Variants in MBP observed in about 807,000 individuals in gnomAD.
MBP encodes the protein Golli-MBP.
In MBP, 16 loss-of-function variants were observed where a neutral mutation model predicts 35.8. The ratio of observed to expected loss-of-function variants is 0.45; its 90% CI spans 0.30 to 0.68. The LOEUF (loss-of-function observed/expected upper bound fraction) is 0.68. Ranked by LOEUF, MBP falls within the 30% of genes least tolerant of loss-of-function variation. The pLI is 0.08. For missense variants in MBP, 380 were observed against 404.7 expected, an observed-to-expected ratio of 0.94 and a Z score of 0.52; for synonymous variants, 143 against 159.6, an observed-to-expected ratio of 0.90 and a Z score of 0.78.
chr18:77,063,936 G>A (rs78958339), intron 3 of MBP, among the ~76,000 whole-genome samples: 5 of 151,204 alleles, frequency 3.3e-5, no homozygotes, highest in Non-Finnish European at 7.4e-5. Flanking sequence ...GTGTGTATTT[G>A]ATGGTAACAG....
chr18:77,127,545 T>C (rs1439512418), intron 1 of MBP: 1 of 152,144 alleles, frequency 6.6e-6, no homozygotes, highest in Non-Finnish European at 1.5e-5. Flanking sequence ...ATTAATAAAC[T>C]TGAATTCAAC....
intron 7 of MBP, chr18:76,985,245 A>C: frequency 7.4e-7 from 1 of 1,357,704 alleles, no homozygotes; most frequent in Non-Finnish European, 9.7e-7. Context: ...AGCAAACATC[A>C]AGCAAATCAA....
chr18:76,980,676 TGAGA>T, intron 8 of MBP: 3 of 574,972 alleles, frequency 5.2e-6, no homozygotes, highest in Middle Eastern at 9.1e-4. Flanking sequence ...TCCAGTTCTG[TGAGA>T]GAGAACTGGA....
chr18:77,045,329 C>A (rs12455703), intron 3 of MBP, among the ~76,000 whole-genome samples: 2 of 147,432 alleles, frequency 1.4e-5, no homozygotes, highest in Non-Finnish European at 3.0e-5. Context: ...CTCTGGAGCC[C>A]GGCTGCCAGT....
At chr18:77,038,067 C>G (rs1049251130) in intron 3 of MBP, among the ~76,000 whole-genome samples, 1 of 152,116 alleles carries the variant, frequency 6.6e-6, no homozygotes, top group African/African-American at 2.4e-5. Context: ...GTTCCAGGGC[C>G]CAAGATTTAA....
chr18:77,120,649 CAG>C (rs941463024), intron 1 of MBP, among the ~76,000 whole-genome samples: 4 of 152,142 alleles, frequency 2.6e-5, no homozygotes, highest in African/African-American at 7.2e-5. Flanking sequence ...CAGAAAATTC[CAG>C]AGAGAGTGGC....
intron 1 of MBP, among the ~76,000 whole-genome samples, chr18:77,111,985 C>T (rs575239621): frequency 1.3e-5 from 2 of 152,186 alleles, no homozygotes; most frequent in East Asian, 1.9e-4. Flanking sequence ...TCTCTCTCCC[C>T]CGACGTCCCT....
intron 3 of MBP, among the ~76,000 whole-genome samples, chr18:77,023,036 G>T (rs1176908122): frequency 6.6e-6 from 1 of 152,142 alleles, no homozygotes; most frequent in African/African-American, 2.4e-5. Context: ...GGTATTAATC[G>T]ATTTCTGCAA....
intron 1 of MBP, among the ~76,000 whole-genome samples, chr18:77,117,797 T>C (rs960462314): frequency 5.4e-4 from 7 of 12,918 alleles, no homozygotes; most frequent in East Asian, 1.4e-3. Flanking sequence ...TGGGTTGGGG[T>C]GGGACGGGGG....
chr18:77,056,604 C>T (rs578061892), intron 3 of MBP, among the ~76,000 whole-genome samples: 30 of 152,296 alleles, frequency 2.0e-4, no homozygotes, highest in African/African-American at 6.5e-4. Flanking sequence ...ATCCGATGTC[C>T]TCCAGGACTC....
At position 77,029,429 on chromosome 18, in the gene MBP, A is replaced by AGG. The variant is rs1281619140; in HGVS notation, c.140-12162_140-12161insCC. On this transcript the variant is annotated intron_variant, in intron 3 of 8. Transcript: ENST00000355994. Reference sequence around the variant, plus strand: ...AGAGAGGGAGAGGGAGACCGTGGGGAGAGGGAGAGGGAGGGGGAGGGGGAG... The same window carrying AGG: ...AGAGAGGGAGAGGGAGACCGTGGGGAGGGAGGGAGAGGGAGGGGGAGGGGGAG... Among the ~76,000 whole-genome samples the AGG allele has an allele frequency of 1.4e-3, 87 of 60,640 alleles. 2 individuals carry two copies. Among genetic ancestry groups the AGG allele is most frequent in the Middle Eastern group, 7.8e-3 (1 of 128 alleles). The allele number at this position is 60,640 out of a possible 152,430, so 39.8% of individuals were successfully genotyped here. A position where few individuals can be genotyped will look rare whatever the true frequency, so the allele number is the denominator to read the frequency against.
At chr18:77,049,256 A>G (rs528084712) in intron 3 of MBP, among the ~76,000 whole-genome samples, 1 of 152,244 alleles carries the variant, frequency 6.6e-6, no homozygotes, top group Admixed American at 6.5e-5. Flanking sequence ...TCACCGATGT[A>G]CTCCTGCCTG....
At chr18:76,985,632 G>A (rs1212126056) in intron 7 of MBP, 2 of 1,060,146 alleles carry the variant, frequency 1.9e-6, no homozygotes, top group South Asian at 2.9e-5. Context: ...CACGGGGGGC[G>A]GCCGCATCCT....
chr18:77,022,130 G>GT (rs1365672103), intron 3 of MBP, among the ~76,000 whole-genome samples: 1 of 152,214 alleles, frequency 6.6e-6, no homozygotes, highest in East Asian at 1.9e-4. Context: ...AAACTGCCCT[G>GT]TAAGTGAGAC....
chr18:77,035,195 G>A (rs569218021), intron 3 of MBP, among the ~76,000 whole-genome samples: 156 of 152,228 alleles, frequency 1.0e-3, no homozygotes, highest in African/African-American at 3.4e-3. Flanking sequence ...TACGCATTCC[G>A]TACTCATACT....
At chr18:77,052,328 C>T (rs757238313) in intron 3 of MBP, among the ~76,000 whole-genome samples, 1 of 152,108 alleles carries the variant, frequency 6.6e-6, no homozygotes, top group South Asian at 2.1e-4. Flanking sequence ...GCATCCCGAT[C>T]GGGGGGGTAA....
chr18:77,107,193 C>T (rs1260611170), intron 1 of MBP, among the ~76,000 whole-genome samples: 1 of 152,166 alleles, frequency 6.6e-6, no homozygotes, highest in African/African-American at 2.4e-5. Flanking sequence ...AAGAGCTGGT[C>T]TATTCAAAGC....
At chr18:77,023,148 G>A (rs1972058413) in intron 3 of MBP, among the ~76,000 whole-genome samples, 1 of 152,186 alleles carries the variant, frequency 6.6e-6, no homozygotes, top group Non-Finnish European at 1.5e-5. Flanking sequence ...CTGACCATCT[G>A]TGAGCAACAA....
intron 4 of MBP, among the ~76,000 whole-genome samples, chr18:77,008,221 T>C (rs1171002304): frequency 1.3e-5 from 2 of 152,250 alleles, no homozygotes; most frequent in East Asian, 3.9e-4. Flanking sequence ...ATCCTCCTTC[T>C]CGCCAGCACT....
Sources: allele counts gnomAD v4.1 joint callset (sites outside exome capture counted in the v4.1 genomes callset), GRCh38; gene constraint gnomAD v4.1.1; transcripts MANE v1.5; gene names NCBI Gene and HGNC (gene_info 2026-07-23, HGNC 2026-07-21).